The following SREK1IP1 variants were observed in gnomAD, a reference collection of about 807,000 sequenced individuals.
The protein encoded by SREK1IP1 is protein SREK1IP1.
Under a neutral mutation model 22.8 loss-of-function variants are expected in SREK1IP1, and 12 were observed. The observed-to-expected ratio is 0.53, with a 90% confidence interval of 0.34 to 0.85. The LOEUF is 0.85. Ranked by LOEUF, SREK1IP1 falls within the 40% of genes least tolerant of loss-of-function variation. The probability of loss-of-function intolerance (pLI) is 0.02; values close to 1 mark genes in which losing one functional copy is unlikely to be tolerated. For missense variants in SREK1IP1, 147 were observed against 171.8 expected (o/e 0.86, Z 0.81); for synonymous variants, 53 against 52.7 (o/e 1.01, Z -0.02).
chr5:64,720,571 G>GA lies in SREK1IP1; in HGVS notation c.*3812dup, dbSNP rs1742141052. 1 of 150,606 alleles carries GA rather than the reference G, an allele frequency of 6.6e-6. No individual in the cohort carries two copies. Among genetic ancestry groups the GA allele is most frequent in the African/African-American group, 2.5e-5 (1 of 40,714 alleles). 9.3% of individuals were successfully genotyped at this position (150,606 alleles called of 1,614,324 possible). On this transcript the variant is annotated 3_prime_UTR_variant, in exon 5 of 5. Transcript: ENST00000513458. ...CGCCCAGGCTGGAGTACAGTGGTGTGATCTCAGCTTACTGCAACTTCCACC... is the reference window on the plus strand; with the variant it reads ...CGCCCAGGCTGGAGTACAGTGGTGTGAATCTCAGCTTACTGCAACTTCCACC...
intron 3 of SREK1IP1, among the ~76,000 whole-genome samples, chr5:64,738,602 T>A (rs1742503921): frequency 6.6e-6 from 1 of 152,066 alleles, no homozygotes; most frequent in Admixed American, 6.6e-5. Context: ...GCTATAGTAA[T>A]TAAAATAGTA....
rs1405592432 is a variant in SREK1IP1, at chr5:64,723,367, T to C, written c.*1017A>G. The C allele has an allele frequency of 6.7e-6, 1 of 149,476 alleles. No individual in the cohort carries two copies. The highest frequency in any genetic ancestry group is 1.5e-5 in the Non-Finnish European group (1 of 68,038). 9.3% of individuals were successfully genotyped at this position (149,476 alleles called of 1,614,324 possible). A position where few individuals can be genotyped will look rare whatever the true frequency, so the allele number is the denominator to read the frequency against. On this transcript the variant is annotated 3_prime_UTR_variant, in exon 5 of 5. Transcript: ENST00000513458. ...AGAAACATCCCAAACTGGTCATTTA[T>C]GAAAACGTTAAGTTCAGTGTGAAAC...
At chr5:64,753,211 A>C (rs1742779168) in intron 2 of SREK1IP1, among the ~76,000 whole-genome samples, 1 of 152,218 alleles carries the variant, frequency 6.6e-6, no homozygotes, top group Non-Finnish European at 1.5e-5. Context: ...TGGGAAATCC[A>C]TTCCAGATTT....
At chr5:64,741,348 G>A (rs1742549081) in intron 2 of SREK1IP1, 148 bp from the exon 3 acceptor site, 1 of 812,880 alleles carries the variant, frequency 1.2e-6, no homozygotes, top group Non-Finnish European at 1.9e-6. Flanking sequence ...GTTGGTAGTA[G>A]TTTGGTTATT....
rs1743116027 is a variant in SREK1IP1, at chr5:64,768,638, T to G, written c.-121A>C. ...TCCTTCCCCCAGCGCAGCAGCACCC[T>G]CGCTACGGTCGGGAAGGGCCTGTAC... On this transcript the variant is annotated 5_prime_UTR_variant, in exon 1 of 5. Coordinates refer to ENST00000513458, the MANE Select transcript of SREK1IP1 (RefSeq NM_173829.4). The G allele has an allele frequency of 2.8e-6, 4 of 1,439,114 alleles. No homozygotes were observed. Among genetic ancestry groups the G allele is most frequent in the Non-Finnish European group, 1.9e-6 (2 of 1,033,414 alleles). The allele number at this position is 1,439,114 out of a possible 1,614,324, so 89.1% of individuals were successfully genotyped here. A position where few individuals can be genotyped will look rare whatever the true frequency, so the allele number is the denominator to read the frequency against.
rs1002130173 is a variant in SREK1IP1, at chr5:64,718,953, G to A, written c.*5431C>T. The stretch of plus-strand genomic sequence containing the variant: ...AGCATTTCAAAATGTGCTGAATACA[G>A]CTTCTCTGGTCTGATATATAAAAAA... On this transcript the variant is annotated 3_prime_UTR_variant, in exon 5 of 5. Coordinates refer to ENST00000513458, the MANE Select transcript of SREK1IP1 (RefSeq NM_173829.4). The A allele has an allele frequency of 3.3e-5, 5 of 152,178 alleles. No individual in the cohort carries two copies. Among genetic ancestry groups the A allele is most frequent in the Middle Eastern group, 3.2e-3 (1 of 316 alleles). The allele number at this position is 152,178 out of a possible 1,614,324, so 9.4% of individuals were successfully genotyped here. A position where few individuals can be genotyped will look rare whatever the true frequency, so the allele number is the denominator to read the frequency against.
chr5:64,765,191 C>G (rs867031629), intron 1 of SREK1IP1: 1 of 152,112 alleles, frequency 6.6e-6, no homozygotes, highest in Non-Finnish European at 1.5e-5. Flanking sequence ...AATATTATTT[C>G]TATAATAACA....
At chr5:64,746,127 T>C (rs1742632178) in intron 2 of SREK1IP1, among the ~76,000 whole-genome samples, 3 of 152,168 alleles carry the variant, frequency 2.0e-5, no homozygotes, top group African/African-American at 2.4e-5. Flanking sequence ...GTGGAAAGAA[T>C]TGTCTTTTCA....
chr5:64,743,720 C>T (rs914111100), intron 2 of SREK1IP1, among the ~76,000 whole-genome samples: 5 of 152,146 alleles, frequency 3.3e-5, no homozygotes, highest in Non-Finnish European at 4.4e-5. Flanking sequence ...TATTTTGAGA[C>T]ATTAGTAAAT....
rs759741788 is a variant in SREK1IP1 at position 64,728,183 on chromosome 5, T to G, written c.206-4A>C. ...TTTTCCTCTTCTTCATTTATTCCTG[T>G]GGGGGAGAGGTGAGAAGAAAAAAAT... On this transcript the variant is annotated splice_region_variant and splice_polypyrimidine_tract_variant and intron_variant, in intron 3 of 4. Transcript: ENST00000513458. The G allele has an allele frequency of 1.4e-6, 2 of 1,402,188 alleles. No individual in the cohort carries two copies. Among genetic ancestry groups the G allele is most frequent in the Non-Finnish European group, 1.9e-6 (2 of 1,069,008 alleles). The allele number at this position is 1,402,188 out of a possible 1,614,324, so 86.9% of individuals were successfully genotyped here. A position where few individuals can be genotyped will look rare whatever the true frequency, so the allele number is the denominator to read the frequency against.
At chr5:64,745,232 T>C (rs1580547940) in intron 2 of SREK1IP1, among the ~76,000 whole-genome samples, 1 of 152,166 alleles carries the variant, frequency 6.6e-6, no homozygotes, top group African/African-American at 2.4e-5. Flanking sequence ...TCCTGCATTG[T>C]TACATGTTTG....
At position 64,754,213 on chromosome 5, in the gene SREK1IP1, T is replaced by C. The variant is rs989481354; in HGVS notation, c.61+102A>G. ...ATGTTAGCTTAGGGCTAAAGGACTA[T>C]GCAACTGGGCCCCTGAAATCAGGGT... On this transcript the variant is annotated intron_variant, in intron 2 of 4. Transcript: ENST00000513458. The C allele has an allele frequency of 5.6e-6, 6 of 1,077,772 alleles. No homozygotes were observed. In the African/African-American group the frequency reaches 7.9e-5, roughly 14 times the overall value. The allele number at this position is 1,077,772 out of a possible 1,614,324, so 66.8% of individuals were successfully genotyped here. A position where few individuals can be genotyped will look rare whatever the true frequency, so the allele number is the denominator to read the frequency against.
chr5:64,767,763 G>A (rs1743071579), intron 1 of SREK1IP1, among the ~76,000 whole-genome samples: 1 of 152,146 alleles, frequency 6.6e-6, no homozygotes, highest in Non-Finnish European at 1.5e-5. Context: ...GTGGAGAAGT[G>A]TGTATTTCTG....
intron 1 of SREK1IP1, among the ~76,000 whole-genome samples, chr5:64,763,640 A>C (rs1487289745): frequency 1.3e-5 from 2 of 152,250 alleles, no homozygotes; most frequent in African/African-American, 4.8e-5. Flanking sequence ...AGACTGTATT[A>C]GCTTAATCTG....
At chr5:64,725,112 C>A (rs901919374) in intron 4 of SREK1IP1, among the ~76,000 whole-genome samples, 1 of 152,022 alleles carries the variant, frequency 6.6e-6, no homozygotes, top group African/African-American at 2.4e-5. Flanking sequence ...GAGAGTGATA[C>A]AGATGAATAC....
intron 1 of SREK1IP1, among the ~76,000 whole-genome samples, chr5:64,759,967 C>T (rs972109101): frequency 6.6e-6 from 1 of 152,190 alleles, no homozygotes; most frequent in Non-Finnish European, 1.5e-5. Flanking sequence ...TCTGACACAA[C>T]AATCTCACAT....
chr5:64,735,078 T>A (rs1742437706), intron 3 of SREK1IP1, among the ~76,000 whole-genome samples: 1 of 152,006 alleles, frequency 6.6e-6, no homozygotes, highest in Admixed American at 6.5e-5. Context: ...TGAAGTTCTC[T>A]TCTATTTCTA....
intron 2 of SREK1IP1, among the ~76,000 whole-genome samples, chr5:64,742,440 CAA>C (rs1328618347): frequency 1.3e-5 from 2 of 152,010 alleles, no homozygotes; most frequent in Non-Finnish European, 2.9e-5. Context: ...AAAACTGAAA[CAA>C]AAGTTAATTG....
intron 4 of SREK1IP1, among the ~76,000 whole-genome samples, chr5:64,727,361 A>C (rs1424089290): frequency 2.1e-5 from 3 of 142,934 alleles, no homozygotes; most frequent in Non-Finnish European, 4.4e-5. Flanking sequence ...TTTTTAAAAG[A>C]GTTAATAGTA....
Sources: allele counts gnomAD v4.1 joint callset (sites outside exome capture counted in the v4.1 genomes callset), GRCh38; gene constraint gnomAD v4.1.1; transcripts MANE v1.5; gene names NCBI Gene and HGNC (gene_info 2026-07-23, HGNC 2026-07-21).